The following NRXN3 variants were observed in gnomAD, a reference collection of about 807,000 sequenced individuals.
The protein encoded by NRXN3 is neurexin III.
In NRXN3, 32 loss-of-function variants were observed where a neutral mutation model predicts 137.6. The ratio of observed to expected loss-of-function variants is 0.23; its 90% confidence interval spans 0.18 to 0.31. The LOEUF (loss-of-function observed/expected upper bound fraction) is 0.31. NRXN3 is among the 10% of genes least tolerant of loss of function. The pLI is 1.00. For missense variants in NRXN3, 1,574 were observed against 2,062.5 expected (o/e 0.76, Z 4.59); for synonymous variants, 798 against 784.5 (o/e 1.02, Z -0.29).
chr14:79,615,381 T>A (rs2153884887), intron 16 of NRXN3, among the ~76,000 whole-genome samples: 1 of 152,264 alleles, frequency 6.6e-6, no homozygotes, highest in Admixed American at 6.5e-5. Context: ...CTGATGAAGG[T>A]TGACTAGGAG....
intron 19 of NRXN3, among the ~76,000 whole-genome samples, chr14:79,741,024 C>T (rs1416918124): frequency 2.0e-5 from 3 of 151,706 alleles, no homozygotes; most frequent in African/African-American, 7.3e-5. Flanking sequence ...AGACTGGAAC[C>T]ATCTCAAGGT....
At chr14:78,233,941 T>C (rs1406624757) in intron 1 of NRXN3, among the ~76,000 whole-genome samples, 1 of 152,224 alleles carries the variant, frequency 6.6e-6, no homozygotes, top group Non-Finnish European at 1.5e-5. Flanking sequence ...TCTTGAATTG[T>C]AGCTCCCATA....
At chr14:78,781,402 C>T (rs1410836037) in intron 8 of NRXN3, among the ~76,000 whole-genome samples, 1 of 151,952 alleles carries the variant, frequency 6.6e-6, no homozygotes, top group Non-Finnish European at 1.5e-5. Flanking sequence ...TAATAAAAAC[C>T]AGGTTACAGG....
chr14:78,265,190 G>A (rs1312725958), intron 2 of NRXN3, among the ~76,000 whole-genome samples: 2 of 152,168 alleles, frequency 1.3e-5, no homozygotes, highest in Non-Finnish European at 2.9e-5. Flanking sequence ...TAGGTCAGGG[G>A]CAGGAGTAGA....
At chr14:79,081,474 T>A (rs919620016) in intron 15 of NRXN3, among the ~76,000 whole-genome samples, 2 of 151,918 alleles carry the variant, frequency 1.3e-5, no homozygotes, top group African/African-American at 4.8e-5. Context: ...AGCAGCCAGG[T>A]GTGGTGGCAT....
intron 15 of NRXN3, among the ~76,000 whole-genome samples, chr14:79,268,954 G>A (rs2078869470): frequency 6.6e-6 from 1 of 151,958 alleles, no homozygotes; most frequent in African/African-American, 2.4e-5. Flanking sequence ...GTTCTATTAC[G>A]TCACATTATT....
At chr14:79,846,788 T>C (rs2099375861) in intron 20 of NRXN3, among the ~76,000 whole-genome samples, 1 of 152,212 alleles carries the variant, frequency 6.6e-6, no homozygotes, top group Non-Finnish European at 1.5e-5. Flanking sequence ...GGATAGTGTC[T>C]TCTTGCTTAC....
At chr14:78,931,489 GA>G (rs1419739780) in intron 10 of NRXN3, among the ~76,000 whole-genome samples, 1 of 152,158 alleles carries the variant, frequency 6.6e-6, no homozygotes, top group African/African-American at 2.4e-5. Flanking sequence ...ACTTTTATGA[GA>G]GAGGAAGTGA....
At chr14:79,627,433 CTT>C (rs1239227674) in intron 16 of NRXN3, among the ~76,000 whole-genome samples, 1 of 152,154 alleles carries the variant, frequency 6.6e-6, no homozygotes, top group Non-Finnish European at 1.5e-5. Context: ...TGAGTTCTAT[CTT>C]GGTGCATTCC....
At chr14:79,636,738 G>A (rs910888328) in intron 16 of NRXN3, among the ~76,000 whole-genome samples, 7 of 152,224 alleles carry the variant, frequency 4.6e-5, no homozygotes, top group East Asian at 1.9e-4. Flanking sequence ...CATCCACACC[G>A]TCCTCTGCCC....
At chr14:79,186,057 A>G (rs8009758) in intron 15 of NRXN3, among the ~76,000 whole-genome samples, 1,710 of 152,258 alleles carry the variant, frequency 0.011, 19 homozygotes, top group Middle Eastern at 0.031. Context: ...GGAGATGTTC[A>G]TGGTACATAT....
intron 17 of NRXN3, among the ~76,000 whole-genome samples, chr14:79,684,324 A>T (rs61995222): frequency 0.056 from 8,465 of 152,140 alleles, 298 homozygotes; most frequent in South Asian, 0.097. Flanking sequence ...GTTAGAAACA[A>T]GCCTAATATG....
chr14:78,922,948 C>T (rs547242399), intron 10 of NRXN3, among the ~76,000 whole-genome samples: 4 of 152,238 alleles, frequency 2.6e-5, no homozygotes, highest in Admixed American at 1.3e-4. Flanking sequence ...CATTTTTTCC[C>T]GTGGGTTTCC....
intron 9 of NRXN3, among the ~76,000 whole-genome samples, chr14:78,808,051 A>G (rs886536707): frequency 1.3e-5 from 2 of 152,088 alleles, no homozygotes; most frequent in African/African-American, 4.8e-5. Flanking sequence ...ACACACACAT[A>G]TTTATACATA....
chr14:79,449,807 T>C (rs1317260145), intron 15 of NRXN3, among the ~76,000 whole-genome samples: 1 of 151,842 alleles, frequency 6.6e-6, no homozygotes, highest in African/African-American at 2.4e-5. Context: ...CTGGCTAACA[T>C]GGTGAAACCC....
intron 15 of NRXN3, among the ~76,000 whole-genome samples, chr14:79,218,733 A>G (rs557801615): frequency 6.6e-6 from 1 of 152,332 alleles, no homozygotes; most frequent in South Asian, 2.1e-4. Context: ...GAACAACAAC[A>G]AAAAAGGTCA....
intron 17 of NRXN3, among the ~76,000 whole-genome samples, chr14:79,672,011 T>A (rs1008242762): frequency 3.3e-5 from 5 of 152,194 alleles, no homozygotes; most frequent in Admixed American, 3.3e-4. Context: ...ACAAAGGAGC[T>A]TTTTATAATT....
At chr14:79,167,387 C>G (rs1437703006) in intron 15 of NRXN3, among the ~76,000 whole-genome samples, 6 of 151,922 alleles carry the variant, frequency 3.9e-5, no homozygotes, top group Non-Finnish European at 5.9e-5. Flanking sequence ...CAGGGCTCCC[C>G]TTATACTCTA....
intron 4 of NRXN3, among the ~76,000 whole-genome samples, chr14:78,394,287 T>A (rs2091169609): frequency 6.6e-6 from 1 of 151,910 alleles, no homozygotes; most frequent in Admixed American, 6.6e-5. Context: ...TGAGAGTGGG[T>A]GTTAAATTTT....
Sources: allele counts gnomAD v4.1 joint callset (sites outside exome capture counted in the v4.1 genomes callset), GRCh38; gene constraint gnomAD v4.1.1; transcripts MANE v1.5; gene names NCBI Gene and HGNC (gene_info 2026-07-23, HGNC 2026-07-21).